Variants in PCDHA3 observed in about 807,000 individuals in gnomAD.
PCDHA3 encodes the protein protocadherin alpha 3.
PCDHA3 carries 41 observed loss-of-function variants against 62.2 expected under a neutral mutation model. The observed-to-expected ratio is 0.66, with a 90% CI of 0.51 to 0.86. PCDHA3 has a LOEUF of 0.86. PCDHA3 is among the 40% of genes least tolerant of loss of function. PCDHA3 has a pLI of 0.00. For missense variants in PCDHA3, 1,304 were observed against 1,241.2 expected, an observed-to-expected ratio of 1.05 and a Z score of -0.76; for synonymous variants, 640 against 555.4, an observed-to-expected ratio of 1.15 and a Z score of -2.14.
chr5:140,928,697 G>C, intron 1 of PCDHA3: 9 of 1,614,124 alleles, frequency 5.6e-6, no homozygotes, highest in Non-Finnish European at 5.9e-6. Context: ...CACATCTCCC[G>C]GGCGTCTGAC....
chr5:140,943,276 AAGAAAG>A (rs2093462778), intron 1 of PCDHA3, among the ~76,000 whole-genome samples: 3 of 135,982 alleles, frequency 2.2e-5, no homozygotes, highest in African/African-American at 8.7e-5. Flanking sequence ...AAAAAAAAAA[AAGAAAG>A]AAAGAATTAA....
At chr5:140,866,033 A>T (rs934159305) in intron 1 of PCDHA3, 9 of 152,168 alleles carry the variant, frequency 5.9e-5, no homozygotes, top group African/African-American at 2.2e-4. Flanking sequence ...GTTCGTGATC[A>T]TCATTATCAT....
At chr5:140,998,403 A>G (rs375947232) in intron 3 of PCDHA3, among the ~76,000 whole-genome samples, 5 of 152,114 alleles carry the variant, frequency 3.3e-5, no homozygotes, top group Non-Finnish European at 7.4e-5. Context: ...CTTTATGCCA[A>G]AGTTTATCTA....
Position 140,858,384 on chromosome 5 carries a change from T to C in PCDHA3, c.2394+54793T>C, listed in dbSNP as rs782413045. 1.8e-5 allele frequency: 29 copies of C among 1,582,610 alleles called. 1 individual carries two copies. The East Asian group carries it at 3.6e-4, about 20-fold the overall frequency. ...AGCCCCAGCCTTCCACCATGCCCAA[T>C]GGTAGATGTGGACGGGGAAGATCAG... On this transcript the variant is annotated intron_variant, in intron 1 of 3. Coordinates refer to ENST00000522353, the MANE Select transcript of PCDHA3 (RefSeq NM_018906.3).
chr5:140,851,183 C>A, intron 1 of PCDHA3: 2 of 1,240,836 alleles, frequency 1.6e-6, no homozygotes, highest in Non-Finnish European at 1.0e-6. Context: ...ACTTGAAAAC[C>A]AATTTAGTTG....
intron 1 of PCDHA3, chr5:140,857,288 C>A (rs782208845): frequency 2.5e-6 from 4 of 1,598,652 alleles, no homozygotes; most frequent in East Asian, 4.5e-5. Context: ...CGCTCTGGAC[C>A]GCGAGAGGGT....
chr5:140,997,087 T>C (rs1218654416), intron 3 of PCDHA3, among the ~76,000 whole-genome samples: 4 of 152,156 alleles, frequency 2.6e-5, no homozygotes, highest in Non-Finnish European at 5.9e-5. Flanking sequence ...GAGTAGAAAG[T>C]GCAGAGTTCT....
At position 140,802,972 on chromosome 5, in the gene PCDHA3, C is replaced by G; in HGVS notation, c.1775C>G (p.Ala592Gly). ...PRSVGAGHVV[A>G]KVRAVDADSG... is the part of the protein sequence containing the mutation. ...TCAGTGGGTGCGGGCCACGTGGTAG[C>G]GAAGGTGCGCGCAGTGGATGCAGAC... Residue 592 changes from alanine (A) to glycine (G), a missense_variant, in exon 1 of 4, where the codon GCG becomes GGG. By Grantham distance (60) the Ala-to-Gly change is moderately conservative. Transcript: ENST00000522353. 6.2e-7 allele frequency: 1 copy of G among 1,613,982 alleles called. No individual in the cohort carries two copies. The highest frequency in any genetic ancestry group is 8.5e-7 in the Non-Finnish European group (1 of 1,179,926).
At chr5:140,997,225 C>T (rs1554255781) in intron 3 of PCDHA3, among the ~76,000 whole-genome samples, 1 of 152,090 alleles carries the variant, frequency 6.6e-6, no homozygotes, top group African/African-American at 2.4e-5. Context: ...CTATCATTAC[C>T]ACCCAACTTC....
intron 1 of PCDHA3, chr5:140,828,846 T>C (rs1554131594): frequency 2.5e-6 from 4 of 1,614,040 alleles, no homozygotes. Context: ...GTAAGAATAT[T>C]CGAAAATGCA....
chr5:140,823,591 C>G, intron 1 of PCDHA3: 1 of 1,614,004 alleles, frequency 6.2e-7, no homozygotes, highest in Non-Finnish European at 8.5e-7. Context: ...CAACGCTTGG[C>G]TTTCGTATGA....
Position 140,841,407 on chromosome 5 carries a change from G to A in PCDHA3, c.2394+37816G>A, listed in dbSNP as rs2150314809. On this transcript the variant is annotated intron_variant, in intron 1 of 3. Transcript: ENST00000522353. ...CTCGCAGCCTGGAAGGTGGGGAGCG[G>A]CCAGCTCCACTACTCCGTCCCCGAG... 14 of 1,613,104 alleles carry A rather than the reference G, an allele frequency of 8.7e-6. No individual in the cohort carries two copies. In the South Asian group the frequency reaches 1.5e-4, roughly 18 times the overall value.
At chr5:140,932,312 T>C (rs2088188856) in intron 1 of PCDHA3, among the ~76,000 whole-genome samples, 1 of 151,922 alleles carries the variant, frequency 6.6e-6, no homozygotes, top group Admixed American at 6.6e-5. Context: ...GGTATAAATA[T>C]ATTAATGTAG....
At chr5:140,814,961 A>C (rs1171415447) in intron 1 of PCDHA3, 3 of 152,138 alleles carry the variant, frequency 2.0e-5, no homozygotes, top group African/African-American at 7.2e-5. Flanking sequence ...CTCTTATGAC[A>C]CTTTTTGACT....
chr5:140,968,594 A>G (rs1218717024), intron 1 of PCDHA3: 3 of 1,614,176 alleles, frequency 1.9e-6, no homozygotes, highest in Non-Finnish European at 2.5e-6. Flanking sequence ...AGTCATAGCT[A>G]TGGACTCAGA....
At chr5:140,804,212 G>T (rs1360178993) in intron 1 of PCDHA3, 1 of 151,958 alleles carries the variant, frequency 6.6e-6, no homozygotes, top group Admixed American at 6.6e-5. Context: ...TGGCAATACC[G>T]TTTATTGTTT....
At chr5:140,870,819 G>C (rs1365807310) in intron 1 of PCDHA3, 3 of 1,613,714 alleles carry the variant, frequency 1.9e-6, no homozygotes, top group South Asian at 1.1e-5. Flanking sequence ...CTGGCAGCGC[G>C]GGAGGCGCAG....
At chr5:140,816,521 G>C (rs1433290964) in intron 1 of PCDHA3, 2 of 151,904 alleles carry the variant, frequency 1.3e-5, no homozygotes, top group Admixed American at 1.3e-4. Context: ...GTGTGTGTGT[G>C]TGTGTGTGTG....
At chr5:140,952,180 T>C (rs1034052117) in intron 1 of PCDHA3, among the ~76,000 whole-genome samples, 4 of 151,968 alleles carry the variant, frequency 2.6e-5, no homozygotes, top group Admixed American at 2.0e-4. Context: ...CTGCAGCTGC[T>C]CTCATGGGTT....
Sources: allele counts gnomAD v4.1 joint callset (sites outside exome capture counted in the v4.1 genomes callset), GRCh38; gene constraint gnomAD v4.1.1; transcripts MANE v1.5; gene names NCBI Gene and HGNC (gene_info 2026-07-23, HGNC 2026-07-21).